LRRC1: variants seen among roughly 807,000 people sequenced by gnomAD.
LRRC1 encodes the protein leucine-rich repeat-containing protein 1.
Under a neutral mutation model 69.9 loss-of-function variants are expected in LRRC1, and 28 were observed. The observed-to-expected ratio is 0.40, with a 90% confidence interval of 0.30 to 0.55. The LOEUF (loss-of-function observed/expected upper bound fraction) is 0.55. LRRC1 is among the 20% of genes least tolerant of loss of function. The pLI, the probability that LRRC1 is intolerant of heterozygous loss-of-function variation, is 0.47. For missense variants in LRRC1, 498 were observed against 609.0 expected, an observed-to-expected ratio of 0.82 and a Z score of 1.92; for synonymous variants, 236 against 240.2, an observed-to-expected ratio of 0.98 and a Z score of 0.16.
At chr6:53,918,296 T>C (rs1226510344) in intron 11 of LRRC1, among the ~76,000 whole-genome samples, 1 of 152,202 alleles carries the variant, frequency 6.6e-6, no homozygotes, top group Non-Finnish European at 1.5e-5. Flanking sequence ...CCAATACATA[T>C]GCATGAGATG....
intron 1 of LRRC1, among the ~76,000 whole-genome samples, chr6:53,810,621 A>G (rs1211013329): frequency 1.3e-5 from 2 of 149,554 alleles, no homozygotes; most frequent in African/African-American, 4.9e-5. Context: ...CTCCGTCTCA[A>G]AAAAAAAAAA....
At chr6:53,877,591 A>T (rs1196904443) in intron 2 of LRRC1, among the ~76,000 whole-genome samples, 2 of 152,154 alleles carry the variant, frequency 1.3e-5, no homozygotes, top group Non-Finnish European at 2.9e-5. Context: ...CTTTCACCAG[A>T]TACCTATATC....
chr6:53,839,347 C>A (rs4540263), intron 1 of LRRC1, among the ~76,000 whole-genome samples: 40,285 of 151,918 alleles, frequency 0.27, 5,477 homozygotes, highest in African/African-American at 0.29. Context: ...AAGATAAAGT[C>A]TATTAAATGT....
At chr6:53,806,684 T>C (rs1245498183) in intron 1 of LRRC1, among the ~76,000 whole-genome samples, 1 of 152,178 alleles carries the variant, frequency 6.6e-6, no homozygotes, top group Non-Finnish European at 1.5e-5. Context: ...CTCTGTGAGG[T>C]TGCTTCATGA....
intron 1 of LRRC1, among the ~76,000 whole-genome samples, chr6:53,804,534 A>G (rs1055424293): frequency 2.0e-5 from 3 of 152,210 alleles, no homozygotes; most frequent in African/African-American, 7.2e-5. Flanking sequence ...ACTTAACACC[A>G]TATCTTGGAC....
chr6:53,921,140 G>T, intron 13 of LRRC1, among the ~76,000 whole-genome samples: 1 of 151,990 alleles, frequency 6.6e-6, no homozygotes, highest in Non-Finnish European at 1.5e-5. Context: ...GCTAATTTTT[G>T]TATTTTTTGT....
intron 11 of LRRC1, among the ~76,000 whole-genome samples, chr6:53,916,177 ACT>A (rs1275447660): frequency 6.6e-6 from 1 of 152,038 alleles, no homozygotes; most frequent in Non-Finnish European, 1.5e-5. Flanking sequence ...TAATACTTAG[ACT>A]CTCTCCCATA....
At chr6:53,831,771 G>A (rs1209512974) in intron 1 of LRRC1, among the ~76,000 whole-genome samples, 2 of 152,100 alleles carry the variant, frequency 1.3e-5, no homozygotes, top group Non-Finnish European at 2.9e-5. Context: ...AATTTTTGAA[G>A]TACTATGTCA....
At chr6:53,800,403 C>T (rs1764444876) in intron 1 of LRRC1, among the ~76,000 whole-genome samples, 1 of 151,670 alleles carries the variant, frequency 6.6e-6, no homozygotes, top group Admixed American at 6.6e-5. Flanking sequence ...AGGCGCACAC[C>T]ACCACGCCCA....
At chr6:53,859,531 G>A (rs962191845) in intron 2 of LRRC1, among the ~76,000 whole-genome samples, 3 of 152,164 alleles carry the variant, frequency 2.0e-5, no homozygotes, top group African/African-American at 4.8e-5. Context: ...CATTTAGACC[G>A]AAAGGATGTC....
intron 1 of LRRC1, among the ~76,000 whole-genome samples, chr6:53,837,058 C>T (rs1200580122): frequency 6.6e-6 from 1 of 152,116 alleles, no homozygotes; most frequent in Admixed American, 6.6e-5. Flanking sequence ...GGTAAGCTTT[C>T]ATTTTCATTG....
chr6:53,921,189 A>G (rs1768729963), intron 13 of LRRC1, among the ~76,000 whole-genome samples: 1 of 152,138 alleles, frequency 6.6e-6, no homozygotes, highest in South Asian at 2.1e-4. Flanking sequence ...GCTGGTCTAC[A>G]GTTCCTGGAC....
intron 1 of LRRC1, among the ~76,000 whole-genome samples, chr6:53,839,367 A>C (rs1332461356): frequency 1.3e-5 from 2 of 152,180 alleles, no homozygotes; most frequent in Admixed American, 6.5e-5. Flanking sequence ...TTAGCATCCT[A>C]CAAAATTAAC....
chr6:53,807,336 C>T (rs1025470285), intron 1 of LRRC1, among the ~76,000 whole-genome samples: 1 of 152,312 alleles, frequency 6.6e-6, no homozygotes, highest in South Asian at 2.1e-4. Context: ...CTTCAGGCAT[C>T]GTTCTATCTA....
chr6:53,839,140 G>C (rs1162585536), intron 1 of LRRC1, among the ~76,000 whole-genome samples: 4 of 151,782 alleles, frequency 2.6e-5, no homozygotes, highest in Admixed American at 6.6e-5. Context: ...TGAAATGTAT[G>C]TTTTCTAGTT....
chr6:53,884,625 C>T (rs1407980965), intron 4 of LRRC1, among the ~76,000 whole-genome samples: 3 of 152,044 alleles, frequency 2.0e-5, no homozygotes, highest in South Asian at 2.1e-4. Context: ...TATTACTCTC[C>T]CTTCCATTCA....
chr6:53,902,831 T>C, intron 9 of LRRC1, 84 bp downstream of exon 9: 1 of 824,008 alleles, frequency 1.2e-6, no homozygotes, highest in Non-Finnish European at 1.9e-6. Context: ...TAAATGGAAA[T>C]TTCTTCATAT....
intron 1 of LRRC1, among the ~76,000 whole-genome samples, chr6:53,812,740 T>TGTGGATAAA (rs1243212011): frequency 6.7e-6 from 1 of 149,264 alleles, no homozygotes; most frequent in Non-Finnish European, 1.5e-5. Context: ...GAAGGATGCT[T>TGTGGATAAA]GTGGATAAAT....
intron 9 of LRRC1, among the ~76,000 whole-genome samples, chr6:53,903,590 CCTTTTCT>C (rs1768136110): frequency 2.0e-5 from 3 of 151,050 alleles, no homozygotes; most frequent in Non-Finnish European, 4.4e-5. Context: ...TTTCCTTTTC[CCTTTTCT>C]CCTTTCTCTA....
Sources: allele counts gnomAD v4.1 joint callset (sites outside exome capture counted in the v4.1 genomes callset), GRCh38; gene constraint gnomAD v4.1.1; transcripts MANE v1.5; gene names NCBI Gene and HGNC (gene_info 2026-07-23, HGNC 2026-07-21).